The following ADGRV1 variants were observed in gnomAD, a reference collection of about 807,000 sequenced individuals.
ADGRV1 encodes G-protein coupled receptor 98.
In ADGRV1, 359 loss-of-function variants were observed where a neutral mutation model predicts 596.2. That is an observed-to-expected ratio of 0.60 (90% CI 0.55 to 0.66). The LOEUF (loss-of-function observed/expected upper bound fraction) is 0.66, where lower values mean the gene tolerates loss of function less well. ADGRV1 is among the 30% of genes least tolerant of loss of function. The probability of loss-of-function intolerance (pLI) is 0.00; values close to 1 mark genes in which losing one functional copy is unlikely to be tolerated. For missense variants in ADGRV1, 7,274 were observed against 7,575.6 expected (o/e 0.96, Z 1.48); for synonymous variants, 2,681 against 2,679.2 (o/e 1.00, Z -0.02).
In ADGRV1 at chr5:90,708,780, A is replaced by G. The variant is rs749093968; in HGVS notation, c.8731-36A>G. 5 of 1,322,134 alleles carry G rather than the reference A, an allele frequency of 3.8e-6. No individual in the cohort carries two copies. The South Asian group carries it at 6.0e-5, about 16-fold the overall frequency. 81.9% of individuals were successfully genotyped at this position (1,322,134 alleles called of 1,614,324 possible). A position where few individuals can be genotyped will look rare whatever the true frequency, so the allele number is the denominator to read the frequency against. On this transcript the variant is annotated intron_variant, in intron 38 of 89. Coordinates refer to ENST00000405460, the MANE Select transcript of ADGRV1 (RefSeq NM_032119.4). ...TCTGAGGGTTAATTACTTTGAGAGT[A>G]TAACTAAAGGAATTTAATGAGTGTA...
At chr5:90,575,917 C>T (rs981057989) in intron 1 of ADGRV1, among the ~76,000 whole-genome samples, 2 of 151,994 alleles carry the variant, frequency 1.3e-5, no homozygotes, top group African/African-American at 4.8e-5. Flanking sequence ...TAGGGGTGGC[C>T]GAGGTTAGTA....
intron 87 of ADGRV1, among the ~76,000 whole-genome samples, chr5:91,109,712 A>T (rs1792201138): frequency 6.6e-6 from 1 of 152,194 alleles, no homozygotes; most frequent in African/African-American, 2.4e-5. Context: ...GTCACATCCC[A>T]TGCAGGAACA....
At chr5:90,734,923 A>G (rs1226146554) in intron 50 of ADGRV1, among the ~76,000 whole-genome samples, 3 of 152,176 alleles carry the variant, frequency 2.0e-5, no homozygotes, top group Non-Finnish European at 4.4e-5. Context: ...TATAGTTTGG[A>G]TATTAACCAT....
chr5:90,976,385 G>A (rs1051755941), intron 84 of ADGRV1, among the ~76,000 whole-genome samples: 1 of 144,294 alleles, frequency 6.9e-6, no homozygotes, highest in Non-Finnish European at 1.5e-5. Context: ...AGTTTACCAT[G>A]CATGGGTATA....
intron 87 of ADGRV1, among the ~76,000 whole-genome samples, chr5:91,140,731 G>A (rs966447101): frequency 6.6e-6 from 1 of 152,076 alleles, no homozygotes; most frequent in African/African-American, 2.4e-5. Flanking sequence ...GTGGGGTGAG[G>A]GAGTTTGGAT....
intron 83 of ADGRV1, among the ~76,000 whole-genome samples, chr5:90,959,914 C>T (rs1245830029): frequency 4.6e-5 from 7 of 152,044 alleles, no homozygotes; most frequent in Admixed American, 2.0e-4. Context: ...CTAAGGTGGG[C>T]AGATCACGAG....
intron 83 of ADGRV1, among the ~76,000 whole-genome samples, chr5:90,955,920 A>T (rs1488386786): frequency 1.3e-5 from 2 of 152,200 alleles, no homozygotes; most frequent in Admixed American, 6.6e-5. Context: ...ACTTAGAGAA[A>T]ACACATTAAT....
At chr5:91,116,696 A>C (rs1792877582) in intron 87 of ADGRV1, among the ~76,000 whole-genome samples, 1 of 152,228 alleles carries the variant, frequency 6.6e-6, no homozygotes, top group East Asian at 1.9e-4. Context: ...TGTGAAGTAG[A>C]CATAAAATCT....
At chr5:90,595,572 C>G (rs1449651497) in intron 1 of ADGRV1, among the ~76,000 whole-genome samples, 1 of 135,916 alleles carries the variant, frequency 7.4e-6, no homozygotes, top group Non-Finnish European at 1.6e-5. Flanking sequence ...GGCTGACCCC[C>G]CAACCTCCCT....
chr5:90,894,091 G>A (rs753471365), intron 83 of ADGRV1, among the ~76,000 whole-genome samples: 2 of 152,164 alleles, frequency 1.3e-5, no homozygotes, highest in Non-Finnish European at 2.9e-5. Context: ...TGGTAAGAGA[G>A]TATGTGACTC....
At chr5:90,715,148 A>G (rs1749920357) in intron 42 of ADGRV1, among the ~76,000 whole-genome samples, 1 of 152,216 alleles carries the variant, frequency 6.6e-6, no homozygotes, top group Non-Finnish European at 1.5e-5. Flanking sequence ...CCAAACTGTA[A>G]GACAAGGATT....
chr5:90,777,812 T>G, intron 61 of ADGRV1, 93 bp from the exon 62 acceptor site: 1 of 1,147,674 alleles, frequency 8.7e-7, no homozygotes, highest in Non-Finnish European at 1.2e-6. Flanking sequence ...TTGAAATGGA[T>G]GAAAATTGAT....
At chr5:90,963,475 CT>C (rs566723327) in intron 83 of ADGRV1, among the ~76,000 whole-genome samples, 1,712 of 150,594 alleles carry the variant, frequency 0.011, 34 homozygotes, top group African/African-American at 0.04. Flanking sequence ...AATTTGTGGA[CT>C]TTTTTTTTAA....
Position 90,633,166 on chromosome 5 carries a change from G to A in ADGRV1, c.1840-1948G>A, listed in dbSNP as rs76043258. On this transcript the variant is annotated intron_variant, in intron 9 of 89. Transcript: ENST00000405460. ...GAATGATTCTTTATGAATGAATAGA[G>A]CAGTTTGATTTAGCAGATGGAACCC... Among the ~76,000 whole-genome samples the A allele has an allele frequency of 4.8e-4, 73 of 152,234 alleles. 1 individual carries two copies. The East Asian group carries it at 0.012, about 26-fold the overall frequency.
At chr5:90,948,932 TAAA>T in intron 83 of ADGRV1, among the ~76,000 whole-genome samples, 1 of 152,184 alleles carries the variant, frequency 6.6e-6, no homozygotes, top group East Asian at 1.9e-4. Context: ...CGTCTGTGTA[TAAA>T]ATATTTATTG....
chr5:90,615,389 G>A (rs1250877524), intron 2 of ADGRV1, among the ~76,000 whole-genome samples: 2 of 151,644 alleles, frequency 1.3e-5, no homozygotes, highest in Admixed American at 6.6e-5. Context: ...GTAGAGAAAC[G>A]ACAATAGTAA....
rs753448039 is a variant in ADGRV1 at position 90,774,308 on chromosome 5, G to A, written c.12403+5G>A. 1.0e-5 allele frequency: 15 copies of A among 1,444,324 alleles called. No homozygotes were observed. The highest frequency in any genetic ancestry group is 1.5e-5 in the Non-Finnish European group (15 of 1,026,824). 89.5% of individuals were successfully genotyped at this position (1,444,324 alleles called of 1,614,324 possible). ...TAGAAATATCTCCAGTAAAAGGTAA[G>A]AGAAATTCACATTTTTGGAAATTAA... On this transcript the variant is annotated splice_donor_5th_base_variant and intron_variant, in intron 60 of 89. Transcript: ENST00000405460.
rs752450155 is a variant in ADGRV1 at position 90,829,196 on chromosome 5, G to T, written c.16611+10G>T. The T allele has an allele frequency of 1.3e-6, 2 of 1,486,562 alleles. No homozygotes were observed. Among genetic ancestry groups the T allele is most frequent in the East Asian group, 4.6e-5 (2 of 43,542 alleles). The allele number at this position is 1,486,562 out of a possible 1,614,324, so 92.1% of individuals were successfully genotyped here. On this transcript the variant is annotated intron_variant, in intron 77 of 89. Coordinates refer to ENST00000405460, the MANE Select transcript of ADGRV1 (RefSeq NM_032119.4). ...TAACTTTAGTACCCAGGTAAGCATG[G>T]AATATATATATTCATACACGTTATG... is the stretch of plus-strand genomic sequence containing the variant.
At chr5:90,923,688 G>C (rs532125610) in intron 83 of ADGRV1, among the ~76,000 whole-genome samples, 38 of 152,168 alleles carry the variant, frequency 2.5e-4, no homozygotes, top group African/African-American at 8.4e-4. Context: ...GTGCAGGTTA[G>C]TTACATATGT....
Sources: allele counts gnomAD v4.1 joint callset (sites outside exome capture counted in the v4.1 genomes callset), GRCh38; gene constraint gnomAD v4.1.1; transcripts MANE v1.5; gene names NCBI Gene and HGNC (gene_info 2026-07-23, HGNC 2026-07-21).